Variants in CFAP47 observed in about 807,000 individuals in gnomAD.
The protein encoded by CFAP47 is cilia- and flagella-associated protein 47.
Under a neutral mutation model 148.1 loss-of-function variants are expected in CFAP47, and 29 were observed. That is an observed-to-expected ratio of 0.20 (90% CI 0.15 to 0.27). CFAP47 has a LOEUF of 0.27. Among genes scored for constraint, CFAP47 ranks in the 10% least tolerant of loss-of-function variants. The pLI is 1.00. For synonymous variants in CFAP47, 664 were observed against 577.3 expected (o/e 1.15, Z -2.15); for missense variants, 1,872 against 1,697.5 (o/e 1.10, Z -1.81).
intron 39 of CFAP47, among the ~76,000 whole-genome samples, chrX:36,161,871 C>A (rs967661607): frequency 2.7e-5 from 3 of 111,732 alleles, no homozygotes; most frequent in African/African-American, 9.7e-5. Context: ...ATACCTGGTT[C>A]CTAGGTGCAT....
intron 49 of CFAP47, among the ~76,000 whole-genome samples, chrX:36,267,513 C>G (rs1446048856): frequency 1.9e-4 from 18 of 95,291 alleles, no homozygotes; most frequent in African/African-American, 6.9e-4. Flanking sequence ...GAGTCTTGCT[C>G]TGTTGCCCAG....
At chrX:36,364,081 A>T (rs1941850634) in intron 61 of CFAP47, among the ~76,000 whole-genome samples, 1 of 111,689 alleles carries the variant, frequency 9.0e-6, no homozygotes, top group African/African-American at 3.2e-5. Flanking sequence ...TGAGAAACAA[A>T]GTTCTATTTC....
chrX:35,985,925 C>A, intron 15 of CFAP47: 1 of 340,190 alleles, frequency 2.9e-6, no homozygotes, highest in Non-Finnish European at 5.7e-6. Flanking sequence ...CTTATTTAAT[C>A]CCCACAATGT....
chrX:36,321,724 A>T (rs1294053883), intron 57 of CFAP47, among the ~76,000 whole-genome samples: 1 of 111,940 alleles, frequency 8.9e-6, no homozygotes, highest in Non-Finnish European at 1.9e-5. Flanking sequence ...GTATGAATAA[A>T]TATACTTGAT....
At chrX:36,348,078 A>G (rs1056660393) in intron 57 of CFAP47, 51 bp from the exon 58 acceptor site, 13 of 713,473 alleles carry the variant, frequency 1.8e-5, no homozygotes, top group African/African-American at 4.6e-5. Context: ...TGTTAAAATT[A>G]TAGTCTGTTA....
rs868953136 is a variant in CFAP47 at position 36,371,643 on chromosome X, T to C, written c.9185+4516T>C. Among the ~76,000 whole-genome samples the C allele has an allele frequency of 3.3e-4, 26 of 79,850 alleles. 4 individuals are homozygous for C. The highest frequency in any genetic ancestry group is 8.8e-4 in the African/African-American group (16 of 18,175). The allele number at this position is 79,850 out of a possible 115,157, so 69.3% of individuals were successfully genotyped here. A position where few individuals can be genotyped will look rare whatever the true frequency, so the allele number is the denominator to read the frequency against. ...TGTAATATATGTGTATATACACACA[T>C]ATGTGTATATATGTGTGTATATACA... On this transcript the variant is annotated intron_variant, in intron 62 of 63. Transcript: ENST00000378653.
At chrX:36,109,709 C>A (rs1446116697) in intron 33 of CFAP47, among the ~76,000 whole-genome samples, 1 of 111,280 alleles carries the variant, frequency 9.0e-6, no homozygotes, top group African/African-American at 3.3e-5. Flanking sequence ...CTCCTGACCT[C>A]GTGATCCACC....
intron 49 of CFAP47, among the ~76,000 whole-genome samples, chrX:36,261,121 T>C (rs12847163): frequency 3.6e-5 from 3 of 84,424 alleles, no homozygotes; most frequent in Non-Finnish European, 6.2e-5. Context: ...TGTAGTATAG[T>C]TTCTTTTTTT....
At chrX:35,952,793 T>C (rs1461163624) in intron 6 of CFAP47, among the ~76,000 whole-genome samples, 1 of 112,195 alleles carries the variant, frequency 8.9e-6, no homozygotes, top group Non-Finnish European at 1.9e-5. Flanking sequence ...TAATACACAA[T>C]CTTTGAAATT....
intron 35 of CFAP47, among the ~76,000 whole-genome samples, chrX:36,142,883 C>T (rs1298294493): frequency 9.1e-6 from 1 of 110,356 alleles, no homozygotes; most frequent in African/African-American, 3.3e-5. Context: ...AAACACACCT[C>T]CCGTCACCCT....
chrX:36,204,323 C>T (rs781882315), intron 44 of CFAP47, among the ~76,000 whole-genome samples: 5 of 110,663 alleles, frequency 4.5e-5, no homozygotes, highest in Non-Finnish European at 5.7e-5. Flanking sequence ...AGCAAACTAT[C>T]GCAAGAACAA....
chrX:35,935,874 A>G (rs1387158335), intron 2 of CFAP47, among the ~76,000 whole-genome samples: 1 of 111,156 alleles, frequency 9.0e-6, no homozygotes, highest in Admixed American at 9.6e-5. Context: ...ACGTGCATTC[A>G]TTTAATTTGG....
At chrX:36,011,688 G>A (rs929845733) in intron 21 of CFAP47, among the ~76,000 whole-genome samples, 1 of 111,890 alleles carries the variant, frequency 8.9e-6, no homozygotes, top group Non-Finnish European at 1.9e-5. Flanking sequence ...TCTGAATGAA[G>A]TCTGTTTTGT....
chrX:36,244,249 A>C (rs1360322645), intron 48 of CFAP47, among the ~76,000 whole-genome samples: 1 of 111,904 alleles, frequency 8.9e-6, no homozygotes, highest in African/African-American at 3.2e-5. Context: ...TTAAGAGAAA[A>C]GTTTACAGCA....
chrX:36,019,236 G>T (rs1937131211), intron 22 of CFAP47, among the ~76,000 whole-genome samples: 1 of 111,920 alleles, frequency 8.9e-6, no homozygotes, highest in African/African-American at 3.3e-5. Flanking sequence ...AGTTAAGACT[G>T]TGGCCTCAAT....
intron 22 of CFAP47, among the ~76,000 whole-genome samples, chrX:36,024,329 TC>T (rs1254751495): frequency 2.7e-5 from 3 of 111,800 alleles, no homozygotes; most frequent in Non-Finnish European, 5.6e-5. Flanking sequence ...ACAAAGTCCT[TC>T]CTGCTTTTGC....
intron 39 of CFAP47, among the ~76,000 whole-genome samples, chrX:36,174,575 G>C (rs1439665093): frequency 8.3e-5 from 9 of 108,707 alleles, no homozygotes; most frequent in African/African-American, 2.7e-4. Flanking sequence ...AGTTTGGCTG[G>C]ATATGAAATT....
At chrX:36,179,553 C>T (rs1939725847) in intron 40 of CFAP47, 131 bp downstream of exon 40, 1 of 262,481 alleles carries the variant, frequency 3.8e-6, no homozygotes, top group Non-Finnish European at 6.7e-6. Flanking sequence ...CTAATTCACA[C>T]TCATATCCAA....
intron 53 of CFAP47, 140 bp from the exon 54 acceptor site, chrX:36,303,709 T>C: frequency 5.6e-6 from 2 of 360,309 alleles, no homozygotes; most frequent in Non-Finnish European, 9.8e-6. Context: ...TAATATCACA[T>C]TCTGAAGTAC....
Sources: gnomAD v4.1 joint callset for allele counts (sites outside exome capture counted in the v4.1 genomes callset) on GRCh38, gnomAD v4.1.1 for gene constraint, MANE v1.5 for transcripts, NCBI Gene and HGNC (gene_info 2026-07-23, HGNC 2026-07-21) for gene names.